Variants in NTRK3 observed in about 807,000 individuals in gnomAD.
NTRK3 encodes the protein neurotrophic receptor tyrosine kinase 3, also known as NT-3 growth factor receptor.
Under a neutral mutation model 91.7 loss-of-function variants are expected in NTRK3, and 24 were observed. That is an observed-to-expected ratio of 0.26 (90% CI 0.19 to 0.37). NTRK3 has a LOEUF of 0.37. NTRK3 is among the 10% of genes least tolerant of loss of function. The probability of loss-of-function intolerance (pLI) is 1.00; values close to 1 mark genes in which losing one functional copy is unlikely to be tolerated. For synonymous variants in NTRK3, 483 were observed against 404.0 expected (o/e 1.20, Z -2.34); for missense variants, 880 against 1,068.9 (o/e 0.82, Z 2.46).
intron 5 of NTRK3, among the ~76,000 whole-genome samples, chr15:88,148,631 G>A (rs2043097365): frequency 6.6e-6 from 1 of 152,110 alleles, no homozygotes; most frequent in South Asian, 2.1e-4. Flanking sequence ...AAGGGGGAGA[G>A]GCATTCACGC....
chr15:88,239,824 G>T (rs2052151849), intron 3 of NTRK3, among the ~76,000 whole-genome samples: 1 of 152,106 alleles, frequency 6.6e-6, no homozygotes, highest in Non-Finnish European at 1.5e-5. Context: ...CTCACTCCAG[G>T]GAGTACAGTG....
chr15:87,914,793 G>A (rs926946589), intron 17 of NTRK3, among the ~76,000 whole-genome samples: 1 of 152,208 alleles, frequency 6.6e-6, no homozygotes, highest in African/African-American at 2.4e-5. Context: ...TGGCTGAAGA[G>A]GCTGGAAAGC....
exon 19 of NTRK3, chr15:87,862,840 T>G (rs1165629775): frequency 2.2e-5 from 5 of 230,114 alleles, no homozygotes; most frequent in Non-Finnish European, 4.3e-5. Context: ...ATCAGAGAAG[T>G]GCCCCCAATG....
chr15:88,031,354 A>G (rs2078516675), intron 14 of NTRK3, among the ~76,000 whole-genome samples: 1 of 152,172 alleles, frequency 6.6e-6, no homozygotes, highest in African/African-American at 2.4e-5. Context: ...ACAGCACCCT[A>G]GGAAACTCAG....
At chr15:87,911,594 A>C (rs2067090609) in intron 17 of NTRK3, among the ~76,000 whole-genome samples, 1 of 152,172 alleles carries the variant, frequency 6.6e-6, no homozygotes, top group African/African-American at 2.4e-5. Flanking sequence ...AGCGTTTTCC[A>C]ATCTTGCCAC....
At chr15:87,905,101 A>G (rs1042181822) in intron 17 of NTRK3, among the ~76,000 whole-genome samples, 3 of 152,220 alleles carry the variant, frequency 2.0e-5, no homozygotes, top group Non-Finnish European at 4.4e-5. Flanking sequence ...CAGTGCTTGG[A>G]GTATATTTCT....
At chr15:88,184,534 C>A (rs1272129481) in intron 3 of NTRK3, among the ~76,000 whole-genome samples, 2 of 152,188 alleles carry the variant, frequency 1.3e-5, no homozygotes, top group Non-Finnish European at 2.9e-5. Context: ...AAGTTCCTGG[C>A]CCATGGATTG....
intron 12 of NTRK3, among the ~76,000 whole-genome samples, 170 bp from the exon 13 acceptor site, chr15:88,126,543 A>G (rs2053304202): frequency 6.6e-6 from 1 of 152,248 alleles, no homozygotes; most frequent in African/African-American, 2.4e-5. Flanking sequence ...TGAGACCCTT[A>G]GAACATTTAA....
At chr15:87,868,280 T>C (rs1484410916) in exon 19 of NTRK3, 12 of 228,268 alleles carry the variant, frequency 5.3e-5, no homozygotes, top group Admixed American at 4.0e-4. Context: ...ATGCTGATAA[T>C]TGCTTTTAAA....
At chr15:87,953,278 G>A (rs988871096) in intron 14 of NTRK3, among the ~76,000 whole-genome samples, 1 of 152,196 alleles carries the variant, frequency 6.6e-6, no homozygotes, top group Non-Finnish European at 1.5e-5. Context: ...GGGGGTCTTG[G>A]ATCAGGTCCA....
intron 3 of NTRK3, among the ~76,000 whole-genome samples, chr15:88,187,764 TCTCTA>T (rs1418815303): frequency 6.6e-6 from 1 of 151,858 alleles, no homozygotes; most frequent in Non-Finnish European, 1.5e-5. Context: ...GGAAACCCTG[TCTCTA>T]CTAAAAATAC....
intron 12 of NTRK3, 127 bp downstream of exon 12, chr15:88,127,034 GT>G (rs2053360015): frequency 1.2e-6 from 1 of 840,710 alleles, no homozygotes; most frequent in African/African-American, 1.7e-5. Flanking sequence ...CCTGAACGTA[GT>G]TCAATTCATT....
intron 13 of NTRK3, among the ~76,000 whole-genome samples, chr15:88,043,191 G>A (rs903196505): frequency 6.6e-6 from 1 of 152,306 alleles, no homozygotes; most frequent in Non-Finnish European, 1.5e-5. Flanking sequence ...GAAGGCAGAT[G>A]CCATCAGACT....
intron 13 of NTRK3, among the ~76,000 whole-genome samples, chr15:88,084,313 G>C (rs893497117): frequency 6.6e-6 from 1 of 152,102 alleles, no homozygotes; most frequent in African/African-American, 2.4e-5. Context: ...ATCTGACCAG[G>C]AGAAGACTGG....
intron 13 of NTRK3, among the ~76,000 whole-genome samples, chr15:88,068,040 T>C (rs979128156): frequency 1.3e-5 from 2 of 152,178 alleles, no homozygotes; most frequent in African/African-American, 4.8e-5. Context: ...ACCTCAGGAA[T>C]AGAGTGGATA....
rs568827754 is a variant in NTRK3, at chr15:88,026,763, T to C, written c.1585+6094A>G. Among the ~76,000 whole-genome samples the C allele has an allele frequency of 1.9e-4, 29 of 152,382 alleles. No homozygotes were observed. The East Asian group carries it at 4.4e-3, about 23-fold the overall frequency. On this transcript the variant is annotated intron_variant, in intron 14 of 18. Transcript: ENST00000394480. ...TTAAAGGAAATATGTGGGTGCTCTCTGTACTTTCTGAAATTGTTGTGTAAA... is the reference window on the plus strand; with the variant it reads ...TTAAAGGAAATATGTGGGTGCTCTCCGTACTTTCTGAAATTGTTGTGTAAA...
At chr15:87,991,250 T>C (rs1323441630) in intron 14 of NTRK3, among the ~76,000 whole-genome samples, 4 of 152,146 alleles carry the variant, frequency 2.6e-5, no homozygotes, top group Non-Finnish European at 5.9e-5. Context: ...CCTGGCTACA[T>C]AAGGTTTGGA....
At chr15:87,994,140 G>T (rs1448795615) in intron 14 of NTRK3, among the ~76,000 whole-genome samples, 1 of 152,098 alleles carries the variant, frequency 6.6e-6, no homozygotes, top group African/African-American at 2.4e-5. Flanking sequence ...GAGGCAGTGA[G>T]AAAAATGGTC....
At chr15:88,142,212 G>C (rs1359261054) in intron 6 of NTRK3, among the ~76,000 whole-genome samples, 1 of 152,270 alleles carries the variant, frequency 6.6e-6, no homozygotes, top group East Asian at 1.9e-4. Context: ...CAGATCTCAA[G>C]CAGGGGAGCC....
Sources: allele counts gnomAD v4.1 joint callset (sites outside exome capture counted in the v4.1 genomes callset), GRCh38; gene constraint gnomAD v4.1.1; transcripts MANE v1.5; gene names NCBI Gene and HGNC (gene_info 2026-07-23, HGNC 2026-07-21).